ZNF341: variants seen among roughly 807,000 people sequenced by gnomAD.
The protein encoded by ZNF341 is zinc finger protein 341.
A neutral mutation model predicts 87.7 loss-of-function variants in ZNF341; 52 were observed. That is an observed-to-expected ratio of 0.59 (90% CI 0.47 to 0.75). The LOEUF (loss-of-function observed/expected upper bound fraction) is 0.75, where lower values mean the gene tolerates loss of function less well. Among genes scored for constraint, ZNF341 ranks in the 30% least tolerant of loss-of-function variants. The probability of loss-of-function intolerance (pLI) is 0.00; values close to 1 mark genes in which losing one functional copy is unlikely to be tolerated. For synonymous variants in ZNF341, 459 were observed against 472.7 expected (o/e 0.97, Z 0.38); for missense variants, 977 against 1,145.9 (o/e 0.85, Z 2.13).
chr20:33,779,607 C>T (rs1362206031), intron 10 of ZNF341, among the ~76,000 whole-genome samples: 1 of 152,124 alleles, frequency 6.6e-6, no homozygotes, highest in East Asian at 1.9e-4. Context: ...GGTGCCACCA[C>T]GCCTGGCTAA....
chr20:33,781,141 G>A (rs937616535), intron 10 of ZNF341, 150 bp from the exon 11 acceptor site: 2 of 691,032 alleles, frequency 2.9e-6, no homozygotes, highest in Admixed American at 2.0e-5. Flanking sequence ...CTCAGATGAG[G>A]ACAGGCAGTG....
At chr20:33,743,583 C>T (rs914312660) in intron 2 of ZNF341, among the ~76,000 whole-genome samples, 19 of 152,102 alleles carry the variant, frequency 1.2e-4, no homozygotes, top group Non-Finnish European at 2.5e-4. Flanking sequence ...AAGTGATCCA[C>T]CCACCTTGGC....
intron 4 of ZNF341, chr20:33,752,396 C>T (rs1394948714): frequency 6.4e-6 from 4 of 627,066 alleles, no homozygotes; most frequent in East Asian, 3.4e-5. Flanking sequence ...GGCAAGTTTC[C>T]GAATCTCTTT....
At chr20:33,737,628 A>C (rs1018703683) in intron 1 of ZNF341, among the ~76,000 whole-genome samples, 1 of 152,054 alleles carries the variant, frequency 6.6e-6, no homozygotes, top group African/African-American at 2.4e-5. Flanking sequence ...GCCAGACACT[A>C]GGTTTTTTCA....
At chr20:33,740,693 G>A (rs2018780144) in intron 1 of ZNF341, among the ~76,000 whole-genome samples, 1 of 152,074 alleles carries the variant, frequency 6.6e-6, no homozygotes, top group South Asian at 2.1e-4. Context: ...TTTTGTAGAG[G>A]TGGAGTCTCA....
chr20:33,757,142 T>A lies in ZNF341; in HGVS notation c.742-6T>A. 6.4e-6 allele frequency: 9 copies of A among 1,406,012 alleles called. No individual in the cohort carries two copies. The highest frequency in any genetic ancestry group is 8.4e-6 in the Non-Finnish European group (9 of 1,071,480). 87.1% of individuals were successfully genotyped at this position (1,406,012 alleles called of 1,614,324 possible). ...GGCTTTTTCCCTGACTGTGTTGTCC[T>A]CCTAGGTGCCAAACCAGTGTGTGGA... On this transcript the variant is annotated splice_polypyrimidine_tract_variant and splice_region_variant and intron_variant, in intron 5 of 14. Transcript: ENST00000375200.
At chr20:33,759,341 A>G (rs186292478) in intron 7 of ZNF341, among the ~76,000 whole-genome samples, 11 of 152,164 alleles carry the variant, frequency 7.2e-5, no homozygotes, top group Non-Finnish European at 1.5e-4. Flanking sequence ...CTGGAGTGCA[A>G]TGGTGCAATC....
Position 33,744,623 on chromosome 20 carries a change from G to A in ZNF341, c.143-480G>A, listed in dbSNP as rs565374479. Among the ~76,000 whole-genome samples the A allele has an allele frequency of 1.4e-4, 21 of 151,938 alleles. No individual in the cohort carries two copies. The South Asian group carries it at 3.5e-3, about 26-fold the overall frequency. On this transcript the variant is annotated intron_variant, in intron 2 of 14. Coordinates refer to ENST00000375200, the MANE Select transcript of ZNF341 (RefSeq NM_001282933.2). ...TTTCTTTTTTTTGAGATGGAGTCTC[G>A]CTCTGTTGCCCAGGCTGGAGTGCAG...
At chr20:33,763,473 A>G (rs575121573) in intron 8 of ZNF341, among the ~76,000 whole-genome samples, 1 of 152,052 alleles carries the variant, frequency 6.6e-6, no homozygotes, top group Non-Finnish European at 1.5e-5. Flanking sequence ...TAATTTTCGT[A>G]TTTTTAGTAG....
At chr20:33,737,771 C>T (rs924390472) in intron 1 of ZNF341, among the ~76,000 whole-genome samples, 1 of 151,952 alleles carries the variant, frequency 6.6e-6, no homozygotes, top group East Asian at 1.9e-4. Context: ...GGCGAGTCTA[C>T]GTGGAGCCAT....
chr20:33,786,695 G>A (rs955055067), intron 12 of ZNF341, among the ~76,000 whole-genome samples: 16 of 152,248 alleles, frequency 1.1e-4, no homozygotes, highest in South Asian at 4.1e-4. Context: ...GCTGCCAGGC[G>A]CGGTGGCTCA....
intron 1 of ZNF341, among the ~76,000 whole-genome samples, chr20:33,734,961 C>T (rs2018648376): frequency 6.6e-6 from 1 of 151,778 alleles, no homozygotes; most frequent in East Asian, 1.9e-4. Flanking sequence ...CCATCTCTGC[C>T]TCCCAAAGTG....
intron 10 of ZNF341, among the ~76,000 whole-genome samples, chr20:33,771,712 T>C (rs748246351): frequency 2.0e-5 from 3 of 152,018 alleles, no homozygotes; most frequent in Non-Finnish European, 4.4e-5. Context: ...ACATGCTTTT[T>C]ATCCTTAGAT....
In ZNF341 at chr20:33,788,991, A is replaced by G. The variant is rs1276474450; in HGVS notation, c.1964+17A>G. ...CCCTTTCTCGTGAGTAGAGACTGCCATGCAGGGGGGTGGGTAGCGGGACAG... is the reference window on the plus strand; with the variant it reads ...CCCTTTCTCGTGAGTAGAGACTGCCGTGCAGGGGGGTGGGTAGCGGGACAG... On this transcript the variant is annotated intron_variant, in intron 13 of 14. Transcript: ENST00000375200. The G allele has an allele frequency of 6.4e-7, 1 of 1,571,616 alleles. No homozygotes were observed. Among genetic ancestry groups the G allele is most frequent in the Non-Finnish European group, 8.7e-7 (1 of 1,146,704 alleles).
In ZNF341 at chr20:33,732,336, C is replaced by T. The variant is rs1163139316; in HGVS notation, c.31+284C>T. 1.3e-5 allele frequency among the ~76,000 whole-genome samples: 2 copies of T among 150,936 alleles called. No homozygotes were observed. The highest frequency in any genetic ancestry group is 6.6e-5 in the Admixed American group (1 of 15,210). ...CGGCCTTGGGCGGGCGCGGGAGGGG[C>T]TCCCTGCAGGGAACTGCGCGGGAGG... On this transcript the variant is annotated intron_variant, in intron 1 of 14. Transcript: ENST00000375200. This position sits in a 1 kb window ranked among gnomAD's most constrained non-coding sequence, Gnocchi z 4.5.
At chr20:33,777,524 C>T (rs557003817) in intron 10 of ZNF341, among the ~76,000 whole-genome samples, 2 of 150,840 alleles carry the variant, frequency 1.3e-5, no homozygotes, top group East Asian at 3.9e-4. Flanking sequence ...TTCCCAGTTA[C>T]TTGGGAGGCT....
intron 10 of ZNF341, among the ~76,000 whole-genome samples, chr20:33,780,820 C>T (rs928900393): frequency 6.6e-6 from 1 of 151,824 alleles, no homozygotes; most frequent in Non-Finnish European, 1.5e-5. Flanking sequence ...TGGGCTTAAG[C>T]GATCCTCCTG....
intron 9 of ZNF341, 124 bp downstream of exon 9, chr20:33,767,165 TC>T (rs1051198680): frequency 2.2e-5 from 25 of 1,156,570 alleles, no homozygotes; most frequent in African/African-American, 9.2e-5. Context: ...ACGGCTCTAT[TC>T]CCCCCGGGTT....
chr20:33,776,593 C>A (rs1057418386), intron 10 of ZNF341, among the ~76,000 whole-genome samples: 2 of 151,988 alleles, frequency 1.3e-5, no homozygotes, highest in Non-Finnish European at 2.9e-5. Context: ...ACCATGTTGA[C>A]CAGACTGGTC....
Sources: gnomAD v4.1 joint callset for allele counts (sites outside exome capture counted in the v4.1 genomes callset) on GRCh38, gnomAD v4.1.1 for gene constraint, Gnocchi (gnomAD v3.1) non-coding constraint, MANE v1.5 for transcripts, NCBI Gene and HGNC (gene_info 2026-07-23, HGNC 2026-07-21) for gene names.